Variants in PRKG1 observed in about 807,000 individuals in gnomAD.
PRKG1 encodes protein kinase cGMP-dependent 1.
A neutral mutation model predicts 88.1 loss-of-function variants in PRKG1; 35 were observed. The observed-to-expected ratio is 0.40, with a 90% CI of 0.30 to 0.53. PRKG1 has a LOEUF of 0.53. Among genes scored for constraint, PRKG1 ranks in the 20% least tolerant of loss-of-function variants. The pLI is 0.59. For synonymous variants in PRKG1, 303 were observed against 292.5 expected (o/e 1.04, Z -0.37); for missense variants, 540 against 839.8 (o/e 0.64, Z 4.41).
At chr10:51,525,319 A>G (rs1841851743) in intron 3 of PRKG1, among the ~76,000 whole-genome samples, 1 of 152,364 alleles carries the variant, frequency 6.6e-6, no homozygotes, top group Admixed American at 6.5e-5. Context: ...AATTTTAGAG[A>G]ACAAGAACGT....
intron 3 of PRKG1, among the ~76,000 whole-genome samples, chr10:51,600,921 T>C (rs10655565): frequency 1.3e-5 from 2 of 148,462 alleles, no homozygotes; most frequent in African/African-American, 5.0e-5. Flanking sequence ...AGTTCATTTT[T>C]GAGAGAGAGA....
At chr10:51,708,609 C>T (rs570082599) in intron 3 of PRKG1, among the ~76,000 whole-genome samples, 59 of 152,320 alleles carry the variant, frequency 3.9e-4, no homozygotes, top group African/African-American at 1.3e-3. Context: ...TCCTATTTCT[C>T]TCTCTAGTCC....
At chr10:51,274,527 A>T (rs894956862) in intron 2 of PRKG1, among the ~76,000 whole-genome samples, 4 of 152,166 alleles carry the variant, frequency 2.6e-5, no homozygotes, top group African/African-American at 9.7e-5. Flanking sequence ...TGAAATTGGG[A>T]TGACAGTGTT....
At chr10:51,613,805 T>C (rs1161900283) in intron 3 of PRKG1, among the ~76,000 whole-genome samples, 1 of 151,980 alleles carries the variant, frequency 6.6e-6, no homozygotes, top group East Asian at 1.9e-4. Context: ...AAGTGCATTT[T>C]GGTGTTAACT....
chr10:51,476,337 T>C (rs547695463), intron 3 of PRKG1, among the ~76,000 whole-genome samples: 3 of 152,100 alleles, frequency 2.0e-5, no homozygotes, highest in South Asian at 2.1e-4. Flanking sequence ...AGAATAAATA[T>C]TGACTTCTCA....
chr10:51,686,903 T>C (rs1182009091), intron 3 of PRKG1, among the ~76,000 whole-genome samples: 3 of 152,052 alleles, frequency 2.0e-5, no homozygotes, highest in Non-Finnish European at 4.4e-5. Flanking sequence ...GCCCGGCTAA[T>C]TTTTTGTATT....
At chr10:51,988,451 G>A (rs1314635446) in intron 5 of PRKG1, among the ~76,000 whole-genome samples, 2 of 152,110 alleles carry the variant, frequency 1.3e-5, no homozygotes, top group South Asian at 2.1e-4. Flanking sequence ...TCTCCAATAT[G>A]AGAGTATCAA....
At chr10:51,758,778 A>G (rs1206153213) in intron 3 of PRKG1, among the ~76,000 whole-genome samples, 3 of 152,034 alleles carry the variant, frequency 2.0e-5, no homozygotes, top group Non-Finnish European at 4.4e-5. Flanking sequence ...TGCTGCACCC[A>G]CCAACCTGTC....
At chr10:51,822,508 T>G (rs1839775586) in intron 4 of PRKG1, among the ~76,000 whole-genome samples, 1 of 152,174 alleles carries the variant, frequency 6.6e-6, no homozygotes, top group Non-Finnish European at 1.5e-5. Context: ...AATATTTTTT[T>G]CTGTCAGCCA....
At position 51,198,577 on chromosome 10, in the gene PRKG1, A is replaced by T. The variant is rs74463252; in HGVS notation, c.478+45247A>T. On this transcript the variant is annotated intron_variant, in intron 2 of 17. Coordinates refer to ENST00000373980, the MANE Select transcript of PRKG1 (RefSeq NM_006258.4). ...AGAGCAGTGCTTTTATGTACAATTGATAAAGTATCTATGAAAATTGCATTA... is the reference window on the plus strand; with the variant it reads ...AGAGCAGTGCTTTTATGTACAATTGTTAAAGTATCTATGAAAATTGCATTA... Among the ~76,000 whole-genome samples the T allele has an allele frequency of 6.6e-5, 10 of 152,336 alleles. No homozygotes were observed. In the East Asian group the frequency reaches 1.9e-3, roughly 29 times the overall value.
chr10:51,512,071 C>CA lies in PRKG1; in HGVS notation c.592+44239dup, dbSNP rs1189901561. On this transcript the variant is annotated intron_variant, in intron 3 of 17. Transcript: ENST00000373980. ...CATTTATACAAAGTACCAACATTGG[C>CA]AAAACTATAATCCAGTAGTCAGAAT... is the stretch of plus-strand genomic sequence containing the variant. 1.5e-4 allele frequency among the ~76,000 whole-genome samples: 23 copies of CA among 151,502 alleles called. No homozygotes were observed. The South Asian group carries it at 4.8e-3, about 32-fold the overall frequency.
intron 4 of PRKG1, among the ~76,000 whole-genome samples, chr10:51,853,318 A>G (rs563426032): frequency 6.6e-5 from 10 of 152,340 alleles, no homozygotes; most frequent in Middle Eastern, 6.8e-3. Flanking sequence ...CCTAAACCTC[A>G]AAATGGAAAC....
rs373728128 is a variant in PRKG1, at chr10:51,736,740, G to A, written c.593-67845G>A. 5.3e-5 allele frequency among the ~76,000 whole-genome samples: 8 copies of A among 151,094 alleles called. No individual in the cohort carries two copies. The South Asian group carries it at 1.7e-3, about 32-fold the overall frequency. On this transcript the variant is annotated intron_variant, in intron 3 of 17. Transcript: ENST00000373980. ...CCTCCTGGATTCAAGCGGTCCTCCT[G>A]TCTCAGCCTTCTGAGTAGCTAGGAC... is the stretch of plus-strand genomic sequence containing the variant.
At chr10:51,701,468 A>T (rs1252089533) in intron 3 of PRKG1, among the ~76,000 whole-genome samples, 1 of 152,198 alleles carries the variant, frequency 6.6e-6, no homozygotes, top group Admixed American at 6.5e-5. Flanking sequence ...GCAAGTGACA[A>T]GGTTCATTTA....
chr10:51,389,657 A>G (rs935248341), intron 2 of PRKG1, among the ~76,000 whole-genome samples: 1 of 152,196 alleles, frequency 6.6e-6, no homozygotes, highest in Non-Finnish European at 1.5e-5. Context: ...TTAAAAATTG[A>G]GATAATAATA....
chr10:51,836,873 T>C (rs1011173449), intron 4 of PRKG1, among the ~76,000 whole-genome samples: 13 of 152,294 alleles, frequency 8.5e-5, no homozygotes, highest in South Asian at 6.2e-4. Context: ...GTTGAAAGGG[T>C]GCACGGAGCA....
intron 1 of PRKG1, among the ~76,000 whole-genome samples, chr10:51,117,380 G>A (rs957809964): frequency 6.6e-6 from 1 of 152,212 alleles, no homozygotes; most frequent in African/African-American, 2.4e-5. Context: ...TCATGTGGTA[G>A]CACTTGTCAA....
chr10:52,205,384 C>T (rs1166807990), intron 9 of PRKG1, among the ~76,000 whole-genome samples: 1 of 152,138 alleles, frequency 6.6e-6, no homozygotes, highest in African/African-American at 2.4e-5. Context: ...CCCCTGGACA[C>T]CCAGTTTTAA....
chr10:51,939,325 T>TGG (rs1842857346), intron 5 of PRKG1, among the ~76,000 whole-genome samples: 1 of 152,022 alleles, frequency 6.6e-6, no homozygotes, highest in East Asian at 1.9e-4. Flanking sequence ...AAATTGAGAA[T>TGG]CCTTCTGCCT....
Sources: gnomAD v4.1 joint callset for allele counts (sites outside exome capture counted in the v4.1 genomes callset) on GRCh38, gnomAD v4.1.1 for gene constraint, MANE v1.5 for transcripts, NCBI Gene and HGNC (gene_info 2026-07-23, HGNC 2026-07-21) for gene names.